The following CLSTN1 variants were observed in gnomAD, a reference collection of about 807,000 sequenced individuals.
The protein encoded by CLSTN1 is calsyntenin 1, also known as calsyntenin-1.
In CLSTN1, 28 loss-of-function variants were observed where a neutral mutation model predicts 108.3. That is an observed-to-expected ratio of 0.26 (90% CI 0.19 to 0.35). CLSTN1 has a LOEUF of 0.35. Ranked by LOEUF, CLSTN1 falls within the 10% of genes least tolerant of loss-of-function variation. The pLI, the probability that CLSTN1 is intolerant of heterozygous loss-of-function variation, is 1.00. For missense variants in CLSTN1, 1,157 were observed against 1,302.6 expected (o/e 0.89, Z 1.72); for synonymous variants, 524 against 534.9 (o/e 0.98, Z 0.28).
intron 1 of CLSTN1, among the ~76,000 whole-genome samples, chr1:9,804,867 G>C (rs548691019): frequency 2.6e-5 from 4 of 152,110 alleles, no homozygotes; most frequent in Admixed American, 1.3e-4. Flanking sequence ...GCTTATGCCT[G>C]TAATCCCAGC....
rs140241620 is a variant in CLSTN1, at chr1:9,751,498, G to A, written c.624C>T (p.Asp208=). The change falls in exon 5 of 19, where the codon GAC becomes GAT. Residue 208 remains aspartate, a synonymous_variant. Transcript: ENST00000377298. ...QICSYEIITP[D]VPFTVDKDGY... ...CATCTTTGTCAACAGTAAAGGGCAC[G>A]TCTGGAGTGATGATTTCGTAGCTGC... is the stretch of plus-strand genomic sequence containing the variant. 6.2e-5 allele frequency: 100 copies of A among 1,614,138 alleles called. No homozygotes were observed. Among genetic ancestry groups the A allele is most frequent in the East Asian group, 1.6e-4 (7 of 44,878 alleles).
chr1:9,791,098 C>G (rs796192918), intron 1 of CLSTN1, among the ~76,000 whole-genome samples: 14 of 144,736 alleles, frequency 9.7e-5, no homozygotes, highest in African/African-American at 3.6e-4. Context: ...GCCGAGATCG[C>G]ACCACTGCAC....
At chr1:9,777,491 C>T (rs763552973) in intron 1 of CLSTN1, among the ~76,000 whole-genome samples, 1 of 152,126 alleles carries the variant, frequency 6.6e-6, no homozygotes, top group Admixed American at 6.6e-5. Context: ...CCACTGCACT[C>T]CAGCCTGGAC....
At position 9,770,414 on chromosome 1, in the gene CLSTN1, C is replaced by T. The variant is rs184984847; in HGVS notation, c.214+2858G>A. Among the ~76,000 whole-genome samples, 11 of 152,308 alleles carry T rather than the reference C, an allele frequency of 7.2e-5. No individual in the cohort carries two copies. In the East Asian group the frequency reaches 1.7e-3, roughly 24 times the overall value. ...GACTTTTTCTTTCAAAGTTAACACT[C>T]GGCGTACATTTCATTTCCTACTTCC... On this transcript the variant is annotated intron_variant, in intron 2 of 18. Transcript: ENST00000377298.
chr1:9,765,367 A>C (rs1022279125), intron 2 of CLSTN1, among the ~76,000 whole-genome samples: 5 of 151,202 alleles, frequency 3.3e-5, no homozygotes, highest in African/African-American at 1.2e-4. Context: ...CTGGGCGACA[A>C]GAGCGAGACT....
chr1:9,745,244 A>C (rs1475483112), intron 7 of CLSTN1, among the ~76,000 whole-genome samples: 1 of 151,964 alleles, frequency 6.6e-6, no homozygotes, highest in African/African-American at 2.4e-5. Flanking sequence ...AAAAAAAAAA[A>C]AACAAAAAGG....
At chr1:9,765,807 C>T (rs1417751843) in intron 2 of CLSTN1, among the ~76,000 whole-genome samples, 1 of 151,916 alleles carries the variant, frequency 6.6e-6, no homozygotes, top group East Asian at 1.9e-4. Context: ...CGCTTGAACC[C>T]GGGAGGTTGC....
intron 2 of CLSTN1, among the ~76,000 whole-genome samples, chr1:9,764,966 G>A (rs149842080): frequency 1.1e-4 from 16 of 152,128 alleles, no homozygotes; most frequent in Non-Finnish European, 1.9e-4. Context: ...AGTCAATCAC[G>A]GTTAATAAGA....
chr1:9,755,065 C>T (rs1029316904), intron 4 of CLSTN1, 49 bp downstream of exon 4: 16 of 1,537,452 alleles, frequency 1.0e-5, no homozygotes, highest in Non-Finnish European at 1.3e-5. Context: ...GTTCTGCGCA[C>T]ACACGTTTAC....
At chr1:9,735,857 T>A in intron 12 of CLSTN1, 28 bp downstream of exon 12, 1 of 1,612,754 alleles carries the variant, frequency 6.2e-7, no homozygotes, top group Non-Finnish European at 8.5e-7. Flanking sequence ...GGCCCATGAG[T>A]GGTGTGCAGT....
chr1:9,818,777 C>CTT lies in CLSTN1; in HGVS notation c.91+4864_91+4865dup, dbSNP rs1156483241. Reference sequence around the variant, plus strand: ...TAAAGACATATTTCTTCAAGCAACTCTTTTTTTTTTTTTTTTTTTTTTTTT... The same window carrying CTT: ...TAAAGACATATTTCTTCAAGCAACTCTTTTTTTTTTTTTTTTTTTTTTTTTTT... On this transcript the variant is annotated intron_variant, in intron 1 of 18. Transcript: ENST00000377298. Among the ~76,000 whole-genome samples the CTT allele has an allele frequency of 3.2e-3, 317 of 98,082 alleles. 55 individuals carry two copies. Among genetic ancestry groups the CTT allele is most frequent in the Non-Finnish European group, 4.1e-3 (210 of 50,892 alleles). The allele number at this position is 98,082 out of a possible 152,430, so 64.3% of individuals were successfully genotyped here.
intron 7 of CLSTN1, among the ~76,000 whole-genome samples, chr1:9,746,682 C>T (rs1387659792): frequency 2.0e-5 from 3 of 151,804 alleles, no homozygotes; most frequent in Non-Finnish European, 4.4e-5. Flanking sequence ...CGATTGCATT[C>T]CAGCCTGGGC....
intron 18 of CLSTN1, 48 bp downstream of exon 18, chr1:9,731,158 C>T: frequency 1.9e-6 from 3 of 1,610,156 alleles, no homozygotes; most frequent in Non-Finnish European, 2.5e-6. Context: ...CTCGGAGGCC[C>T]TGGCCTGTGC....
intron 1 of CLSTN1, among the ~76,000 whole-genome samples, chr1:9,819,193 G>A (rs1051704198): frequency 2.0e-5 from 3 of 151,936 alleles, no homozygotes; most frequent in East Asian, 1.9e-4. Flanking sequence ...GACTCTTGGC[G>A]GTTTTTTAGG....
chr1:9,762,768 C>A (rs1000940065), intron 2 of CLSTN1, among the ~76,000 whole-genome samples: 2 of 145,932 alleles, frequency 1.4e-5, no homozygotes, highest in Non-Finnish European at 3.0e-5. Flanking sequence ...CGTTGGGTGA[C>A]CTCTGGCTTT....
At position 9,795,815 on chromosome 1, in the gene CLSTN1, C is replaced by G. The variant is rs1653963721; in HGVS notation, c.92-22421G>C. ...ACAGAAAAATTTAAAATTAGCCAAGCATGGTGGTGCATGCCTATAGTCCTG... is the reference window on the plus strand; with the variant it reads ...ACAGAAAAATTTAAAATTAGCCAAGGATGGTGGTGCATGCCTATAGTCCTG... On this transcript the variant is annotated intron_variant, in intron 1 of 18. Coordinates refer to ENST00000377298, the MANE Select transcript of CLSTN1 (RefSeq NM_001009566.3). Among the ~76,000 whole-genome samples the G allele has an allele frequency of 2.0e-5, 3 of 150,802 alleles. No individual in the cohort carries two copies. The South Asian group carries it at 6.6e-4, about 33-fold the overall frequency.
Position 9,740,187 on chromosome 1 carries a change from G to A in CLSTN1, c.1519+907C>T, listed in dbSNP as rs139065812. Among the ~76,000 whole-genome samples, 729 of 152,140 alleles carry A rather than the reference G, an allele frequency of 4.8e-3. 3 individuals are homozygous for A. The highest frequency in any genetic ancestry group is 0.016 in the African/African-American group (655 of 41,486). ...CGATTCTCCTGCCTGAGCCTCTCGAGTAGCTGGGATCACAGGCACATGCCA... is the reference window on the plus strand; with the variant it reads ...CGATTCTCCTGCCTGAGCCTCTCGAATAGCTGGGATCACAGGCACATGCCA... On this transcript the variant is annotated intron_variant, in intron 10 of 18. Transcript: ENST00000377298.
At chr1:9,812,348 A>T (rs984736138) in intron 1 of CLSTN1, among the ~76,000 whole-genome samples, 2 of 152,014 alleles carry the variant, frequency 1.3e-5, no homozygotes, top group Non-Finnish European at 2.9e-5. Flanking sequence ...AAAAGGCAGG[A>T]CTCTTTTCCC....
chr1:9,806,453 C>G (rs1011694769), intron 1 of CLSTN1, among the ~76,000 whole-genome samples: 8 of 152,210 alleles, frequency 5.3e-5, no homozygotes, highest in Non-Finnish European at 8.8e-5. Context: ...GATTAGTTTA[C>G]ACACCATACC....
Sources: gnomAD v4.1 joint callset for allele counts (sites outside exome capture counted in the v4.1 genomes callset) on GRCh38, gnomAD v4.1.1 for gene constraint, MANE v1.5 for transcripts, NCBI Gene and HGNC (gene_info 2026-07-23, HGNC 2026-07-21) for gene names.